ARHGAP23: variants seen among roughly 807,000 people sequenced by gnomAD.
ARHGAP23 encodes the protein rho GTPase-activating protein 23.
A neutral mutation model predicts 136.3 loss-of-function variants in ARHGAP23; 34 were observed. The observed-to-expected ratio is 0.25, with a 90% CI of 0.19 to 0.33. The LOEUF (loss-of-function observed/expected upper bound fraction) is 0.33, where lower values mean the gene tolerates loss of function less well. Ranked by LOEUF, ARHGAP23 falls within the 10% of genes least tolerant of loss-of-function variation. The probability of loss-of-function intolerance (pLI) is 1.00; values close to 1 mark genes in which losing one functional copy is unlikely to be tolerated. For missense variants in ARHGAP23, 1,808 were observed against 2,139.0 expected, an observed-to-expected ratio of 0.85 and a Z score of 3.05; for synonymous variants, 832 against 920.5, an observed-to-expected ratio of 0.90 and a Z score of 1.74.
chr17:38,503,481 C>T (rs1396117118), intron 23 of ARHGAP23, among the ~76,000 whole-genome samples: 1 of 152,238 alleles, frequency 6.6e-6, no homozygotes, highest in East Asian at 1.9e-4. Context: ...GCACTTTGCC[C>T]AGCAGCCGTG....
chr17:38,421,823 C>G (rs565036371), intron 1 of ARHGAP23, among the ~76,000 whole-genome samples: 1 of 152,206 alleles, frequency 6.6e-6, no homozygotes, highest in Non-Finnish European at 1.5e-5. Context: ...TCCAGAGCTT[C>G]GACGGGGAGG....
intron 1 of ARHGAP23, among the ~76,000 whole-genome samples, chr17:38,439,478 T>C (rs1312684541): frequency 1.3e-5 from 2 of 152,212 alleles, no homozygotes; most frequent in Non-Finnish European, 2.9e-5. Flanking sequence ...TGCTGACTGA[T>C]GAATTGAGTG....
chr17:38,462,744 C>A, intron 3 of ARHGAP23, 102 bp from the exon 4 acceptor site: 1 of 836,526 alleles, frequency 1.2e-6, no homozygotes, highest in Non-Finnish European at 1.8e-6. Flanking sequence ...TGTGACCGGA[C>A]GAGTGCAATC....
chr17:38,463,405 G>C (rs1476149074), intron 6 of ARHGAP23, 23 bp downstream of exon 6: 1 of 1,551,586 alleles, frequency 6.4e-7, no homozygotes, highest in Admixed American at 2.0e-5. Flanking sequence ...CCTGTGGCCT[G>C]AGAGGAGACC....
chr17:38,487,998 C>T (rs1257834369), intron 17 of ARHGAP23, among the ~76,000 whole-genome samples: 1 of 152,166 alleles, frequency 6.6e-6, no homozygotes, highest in African/African-American at 2.4e-5. Context: ...ACCTCCTGGG[C>T]TCAAGTGATC....
At chr17:38,479,011 C>G (rs1215895549) in intron 12 of ARHGAP23, among the ~76,000 whole-genome samples, 1 of 152,156 alleles carries the variant, frequency 6.6e-6, no homozygotes, top group African/African-American at 2.4e-5. Flanking sequence ...GAGGAAGGCA[C>G]CTGGAATTTG....
At chr17:38,419,860 A>T (rs1486652002) in intron 1 of ARHGAP23, among the ~76,000 whole-genome samples, 1 of 151,958 alleles carries the variant, frequency 6.6e-6, no homozygotes, top group Non-Finnish European at 1.5e-5. Context: ...GGACCTCAAG[A>T]TACGCCGGTC....
At chr17:38,498,978 G>A (rs1460701899) in intron 22 of ARHGAP23, 6 of 693,698 alleles carry the variant, frequency 8.6e-6, no homozygotes, top group East Asian at 8.2e-5. Context: ...TCGCGGCCTC[G>A]GTCACTAACA....
intron 4 of ARHGAP23, 37 bp downstream of exon 4, chr17:38,462,978 C>T (rs762712770): frequency 2.8e-5 from 43 of 1,543,486 alleles, no homozygotes; most frequent in Non-Finnish European, 3.5e-5. Context: ...TACTTTCTAC[C>T]TTCTGGCTAG....
At position 38,428,484 on chromosome 17, in the gene ARHGAP23, C is replaced by T; in HGVS notation, c.-2C>T. The T allele has an allele frequency of 6.9e-7, 1 of 1,443,734 alleles. No homozygotes were observed. Among genetic ancestry groups the T allele is most frequent in the Non-Finnish European group, 9.1e-7 (1 of 1,100,156 alleles). The allele number at this position is 1,443,734 out of a possible 1,614,324, so 89.4% of individuals were successfully genotyped here. ...CGGCCGCAGAGCCGCCGCTGCCACC[C>T]GATGAATGGAGTCGCCTTCTGCCTG... On this transcript the variant is annotated 5_prime_UTR_variant, in exon 1 of 24. Coordinates refer to ENST00000622683, the MANE Select transcript of ARHGAP23 (RefSeq NM_001199417.2).
At chr17:38,431,366 G>A (rs1170525355) in intron 1 of ARHGAP23, among the ~76,000 whole-genome samples, 2 of 152,146 alleles carry the variant, frequency 1.3e-5, no homozygotes, top group African/African-American at 4.8e-5. Flanking sequence ...TGGCTGCAGG[G>A]GTTCAAAGGT....
At chr17:38,429,655 C>G (rs1322578384) in intron 1 of ARHGAP23, among the ~76,000 whole-genome samples, 1 of 152,168 alleles carries the variant, frequency 6.6e-6, no homozygotes, top group East Asian at 1.9e-4. Context: ...CTCTCCCCGA[C>G]TCCCTTCAGC....
At position 38,495,904 on chromosome 17, in the gene ARHGAP23, T is replaced by C. The variant is rs2040381654; in HGVS notation, c.3277-1881T>C. ...GGTAATTGCCTTAATTTTTATTCAT[T>C]TATTTTTTTTGAGATGGAGTTTCAC... On this transcript the variant is annotated intron_variant, in intron 20 of 23. Transcript: ENST00000622683. Among the ~76,000 whole-genome samples the C allele has an allele frequency of 6.6e-5, 9 of 135,900 alleles. No individual in the cohort carries two copies. In the South Asian group the frequency reaches 2.1e-3, roughly 32 times the overall value. 89.2% of individuals were successfully genotyped at this position (135,900 alleles called of 152,430 possible).
chr17:38,464,361 C>G (rs2039532835), intron 6 of ARHGAP23, among the ~76,000 whole-genome samples: 1 of 152,192 alleles, frequency 6.6e-6, no homozygotes, highest in African/African-American at 2.4e-5. Context: ...GTCCGCTTTG[C>G]CCAGTGCCCA....
chr17:38,490,290 C>G (rs137950277), intron 18 of ARHGAP23, 115 bp downstream of exon 18: 14 of 1,209,140 alleles, frequency 1.2e-5, no homozygotes, highest in Non-Finnish European at 1.7e-5. Flanking sequence ...GGAGAAGCCC[C>G]GCTCCACTCA....
intron 1 of ARHGAP23, among the ~76,000 whole-genome samples, chr17:38,431,754 C>T (rs370949647): frequency 4.6e-5 from 7 of 152,190 alleles, no homozygotes; most frequent in Admixed American, 6.5e-5. Context: ...AACTCTGTTA[C>T]GCTACAGTGG....
chr17:38,441,366 C>T (rs533429022), intron 1 of ARHGAP23, among the ~76,000 whole-genome samples: 5 of 152,280 alleles, frequency 3.3e-5, no homozygotes, highest in African/African-American at 9.6e-5. Flanking sequence ...GTCTGGCTGG[C>T]CCAAGGCAGC....
intron 3 of ARHGAP23, among the ~76,000 whole-genome samples, chr17:38,461,385 C>A (rs775551694): frequency 3.3e-5 from 5 of 152,196 alleles, no homozygotes; most frequent in Non-Finnish European, 7.4e-5. Flanking sequence ...CAAGGTCTTT[C>A]TCTCATATGA....
In ARHGAP23 at chr17:38,482,595, C is replaced by T; in HGVS notation, c.2824C>T (p.Arg942Ter). The T allele has an allele frequency of 6.5e-7, 1 of 1,550,246 alleles. No homozygotes were observed. Among genetic ancestry groups the T allele is most frequent in the South Asian group, 1.2e-5 (1 of 84,000 alleles). The change falls in exon 16 of 24, where the codon CGA becomes TGA. Residue 942 changes from arginine to a stop codon, truncating the protein, a stop_gained. Coordinates refer to ENST00000622683, the MANE Select transcript of ARHGAP23 (RefSeq NM_001199417.2). LOFTEE classifies it high-confidence loss of function. ...ARGLESTGIY[R>*]VPGNNAVVSS... ...AGGGCTGGAGTCCACAGGCATTTAC[C>T]GAGTGCCCGGCAACAATGCAGTGGT...
Sources: allele counts gnomAD v4.1 joint callset (sites outside exome capture counted in the v4.1 genomes callset), GRCh38; gene constraint gnomAD v4.1.1; transcripts MANE v1.5; gene names NCBI Gene and HGNC (gene_info 2026-07-23, HGNC 2026-07-21).